The following ADRA1B variants were observed in gnomAD, a reference collection of about 807,000 sequenced individuals.
The protein encoded by ADRA1B is alpha-1B adrenergic receptor.
Under a neutral mutation model 17.9 loss-of-function variants are expected in ADRA1B, and 17 were observed. That is an observed-to-expected ratio of 0.95 (90% confidence interval 0.65 to 1.42). The LOEUF (loss-of-function observed/expected upper bound fraction) is 1.42. ADRA1B is among the 40% of genes most tolerant of loss of function. The pLI is 0.00. For missense variants in ADRA1B, 681 were observed against 722.1 expected (o/e 0.94, Z 0.65); for synonymous variants, 366 against 327.6 (o/e 1.12, Z -1.27).
chr5:159,879,715 G>T (rs1414867449), intron 1 of ADRA1B, among the ~76,000 whole-genome samples: 2 of 152,196 alleles, frequency 1.3e-5, no homozygotes, highest in Non-Finnish European at 2.9e-5. Flanking sequence ...TAGACAAGTG[G>T]CTGGGTGTAG....
intron 1 of ADRA1B, among the ~76,000 whole-genome samples, chr5:159,900,598 GA>G (rs939841870): frequency 6.6e-6 from 1 of 152,182 alleles, no homozygotes; most frequent in Non-Finnish European, 1.5e-5. Context: ...AGTGTAGTGA[GA>G]GCCATGAAAG....
chr5:159,980,943 C>T, the ADRA1B span, among the ~76,000 whole-genome samples: 1 of 151,772 alleles, frequency 6.6e-6, no homozygotes, highest in Admixed American at 6.6e-5. Flanking sequence ...ATAAAAAAAA[C>T]CAGAAGAAAA....
chr5:159,972,675 G>C lies in ADRA1B; in HGVS notation c.*183G>C. On this transcript the variant is annotated 3_prime_UTR_variant, in exon 2 of 2. Coordinates refer to ENST00000306675, the MANE Select transcript of ADRA1B (RefSeq NM_000679.4). ...CAGGGGCATGGGTGCCAGGTACCACGCGGAAAGCCGGGCCGAGCATGCTGA... is the reference window on the plus strand; with the variant it reads ...CAGGGGCATGGGTGCCAGGTACCACCCGGAAAGCCGGGCCGAGCATGCTGA... 1 of 714,174 alleles carries C rather than the reference G, an allele frequency of 1.4e-6. No individual in the cohort carries two copies. The highest frequency in any genetic ancestry group is 2.1e-6 in the Non-Finnish European group (1 of 478,208). 44.2% of individuals were successfully genotyped at this position (714,174 alleles called of 1,614,324 possible).
At chr5:159,934,879 T>C (rs542458079) in intron 1 of ADRA1B, among the ~76,000 whole-genome samples, 1 of 151,298 alleles carries the variant, frequency 6.6e-6, no homozygotes, top group South Asian at 2.1e-4. Context: ...GCTGCTCAGC[T>C]TGCTAAGCCT....
chr5:159,947,949 T>A, intron 1 of ADRA1B: 1 of 985,462 alleles, frequency 1.0e-6, no homozygotes, highest in Non-Finnish European at 1.2e-6. Flanking sequence ...GCTCCAGCTG[T>A]CCCTGGATTC....
chr5:159,899,261 A>AG (rs1754070433), intron 1 of ADRA1B, among the ~76,000 whole-genome samples: 22 of 145,252 alleles, frequency 1.5e-4, no homozygotes, highest in East Asian at 4.0e-4. Flanking sequence ...GAAGGAAGGA[A>AG]GAAAGGAAGG....
intron 1 of ADRA1B, among the ~76,000 whole-genome samples, chr5:159,877,182 T>A (rs1013356783): frequency 2.6e-5 from 4 of 152,002 alleles, no homozygotes; most frequent in Non-Finnish European, 5.9e-5. Flanking sequence ...AGCCGTGCGC[T>A]CTGAAAAACA....
chr5:159,968,419 C>T (rs944038611), intron 1 of ADRA1B, among the ~76,000 whole-genome samples: 1 of 152,172 alleles, frequency 6.6e-6, no homozygotes, highest in African/African-American at 2.4e-5. Context: ...ATCCATTTAT[C>T]GCCTATTTCA....
At chr5:159,927,635 C>A (rs1754696014) in intron 1 of ADRA1B, among the ~76,000 whole-genome samples, 1 of 152,148 alleles carries the variant, frequency 6.6e-6, no homozygotes. Context: ...AGATGGTCTC[C>A]TTTTATGCCT....
intron 1 of ADRA1B, among the ~76,000 whole-genome samples, chr5:159,894,151 G>T (rs546261279): frequency 3.9e-5 from 6 of 152,182 alleles, no homozygotes; most frequent in Non-Finnish European, 8.8e-5. Flanking sequence ...GCAGGGAGAC[G>T]CCCATTCAGT....
chr5:159,987,398 C>A, the ADRA1B span, among the ~76,000 whole-genome samples: 2 of 152,358 alleles, frequency 1.3e-5, no homozygotes, highest in African/African-American at 4.8e-5. Flanking sequence ...CCTTTCCTCG[C>A]CGCCTGGAGC....
chr5:159,900,051 G>A (rs535762696), intron 1 of ADRA1B, among the ~76,000 whole-genome samples: 6 of 152,240 alleles, frequency 3.9e-5, no homozygotes, highest in South Asian at 2.1e-4. Context: ...ATTCTCATAC[G>A]TGCTGAATCT....
At chr5:159,980,934 T>TAAA in the ADRA1B span, among the ~76,000 whole-genome samples, 3 of 151,588 alleles carry the variant, frequency 2.0e-5, no homozygotes, top group East Asian at 1.9e-4. Context: ...GACCTCACAA[T>TAAA]AAAAAAAACC....
chr5:159,950,522 G>T (rs780395622), intron 1 of ADRA1B: 9 of 1,519,336 alleles, frequency 5.9e-6, no homozygotes, highest in Non-Finnish European at 8.1e-6. Context: ...TGGGCCATGA[G>T]GTCCACCACC....
chr5:159,904,809 G>T (rs1754141435), intron 1 of ADRA1B, among the ~76,000 whole-genome samples: 1 of 152,218 alleles, frequency 6.6e-6, no homozygotes, highest in South Asian at 2.1e-4. Flanking sequence ...TTGGGAGAAA[G>T]AAATACTTTT....
At chr5:159,872,612 C>G (rs1320488178) in intron 1 of ADRA1B, among the ~76,000 whole-genome samples, 4 of 152,222 alleles carry the variant, frequency 2.6e-5, no homozygotes, top group South Asian at 4.2e-4. Flanking sequence ...GAATCATAAG[C>G]CTGAGGTCTT....
chr5:159,902,619 G>A (rs1267516057), intron 1 of ADRA1B, among the ~76,000 whole-genome samples: 2 of 152,144 alleles, frequency 1.3e-5, no homozygotes, highest in Non-Finnish European at 2.9e-5. Context: ...ATTTCCTGTT[G>A]CCACATCTTA....
At chr5:159,919,280 C>T (rs187405859) in intron 1 of ADRA1B, among the ~76,000 whole-genome samples, 3 of 151,980 alleles carry the variant, frequency 2.0e-5, no homozygotes, top group Non-Finnish European at 4.4e-5. Context: ...TGCAGGGAAG[C>T]TTGCTTTTCT....
At chr5:159,939,323 G>GCGCGCGCA (rs1554090930) in intron 1 of ADRA1B, among the ~76,000 whole-genome samples, 10 of 116,904 alleles carry the variant, frequency 8.6e-5, no homozygotes, top group Admixed American at 5.9e-4. Flanking sequence ...GTGTGTGTGT[G>GCGCGCGCA]CGCGCGCGCG....
Sources: gnomAD v4.1 joint callset for allele counts (sites outside exome capture counted in the v4.1 genomes callset) on GRCh38, gnomAD v4.1.1 for gene constraint, MANE v1.5 for transcripts, NCBI Gene and HGNC (gene_info 2026-07-23, HGNC 2026-07-21) for gene names.